Variants in RB1CC1 observed in about 807,000 individuals in gnomAD.
RB1CC1 encodes the protein RB1 inducible coiled-coil 1, also known as RB1-inducible coiled-coil protein 1.
RB1CC1 carries 46 observed loss-of-function variants against 177.5 expected under a neutral mutation model. The observed-to-expected ratio is 0.26, with a 90% CI of 0.20 to 0.33. The LOEUF (loss-of-function observed/expected upper bound fraction) is 0.33. Ranked by LOEUF, RB1CC1 falls within the 10% of genes least tolerant of loss-of-function variation. The pLI is 1.00. For synonymous variants in RB1CC1, 666 were observed against 613.6 expected, an observed-to-expected ratio of 1.09 and a Z score of -1.26; for missense variants, 1,703 against 1,816.3, an observed-to-expected ratio of 0.94 and a Z score of 1.13.
intron 1 of RB1CC1, among the ~76,000 whole-genome samples, chr8:52,699,826 AAAAAATATATATAT>A (rs1226185956): frequency 3.2e-4 from 26 of 80,886 alleles, no homozygotes; most frequent in Non-Finnish European, 1.5e-4. Flanking sequence ...AAAAAAAAAA[AAAAAATATATATAT>A]ATATATATAT....
chr8:52,625,878 C>T (rs1309870403), intron 22 of RB1CC1, among the ~76,000 whole-genome samples: 1 of 152,130 alleles, frequency 6.6e-6, no homozygotes, highest in Admixed American at 6.5e-5. Flanking sequence ...TGTGTTTAGG[C>T]TAAAGCCTTT....
chr8:52,668,287 T>C, intron 7 of RB1CC1, 96 bp from the exon 8 acceptor site: 1 of 1,385,786 alleles, frequency 7.2e-7, no homozygotes, highest in Non-Finnish European at 9.7e-7. Flanking sequence ...AGAAAATAAG[T>C]GATAAAAGAT....
intron 1 of RB1CC1, among the ~76,000 whole-genome samples, chr8:52,696,598 G>A (rs947386690): frequency 2.6e-5 from 4 of 152,118 alleles, no homozygotes; most frequent in Admixed American, 2.6e-4. Context: ...AATCCATGCT[G>A]CATAATGATA....
At chr8:52,647,225 C>A (rs1225201948) in intron 15 of RB1CC1, among the ~76,000 whole-genome samples, 1 of 152,078 alleles carries the variant, frequency 6.6e-6, no homozygotes, top group Non-Finnish European at 1.5e-5. Context: ...ACCTTTCCTC[C>A]AAAGGGATAG....
chr8:52,661,323 G>A (rs754239523), intron 9 of RB1CC1, 42 bp from the exon 10 acceptor site: 14 of 1,595,458 alleles, frequency 8.8e-6, no homozygotes, highest in South Asian at 2.3e-5. Context: ...CACAAAACTG[G>A]TACTAACTTA....
chr8:52,700,840 G>A (rs1356116810), intron 1 of RB1CC1, among the ~76,000 whole-genome samples: 10 of 152,156 alleles, frequency 6.6e-5, no homozygotes. Context: ...GGATATTCAA[G>A]GTTTTCTTAT....
intron 5 of RB1CC1, among the ~76,000 whole-genome samples, chr8:52,680,379 A>G (rs1250629750): frequency 6.6e-6 from 1 of 152,232 alleles, no homozygotes; most frequent in Non-Finnish European, 1.5e-5. Context: ...AGCTTTAACA[A>G]CCAAGACAAG....
chr8:52,626,156 A>G (rs1236335941), intron 22 of RB1CC1, among the ~76,000 whole-genome samples: 1 of 152,172 alleles, frequency 6.6e-6, no homozygotes, highest in Non-Finnish European at 1.5e-5. Flanking sequence ...AAAGGCATAA[A>G]AACACTCTGG....
chr8:52,624,902 T>TAAAG, intron 22 of RB1CC1, 115 bp from the exon 23 acceptor site: 1 of 711,094 alleles, frequency 1.4e-6, no homozygotes. Flanking sequence ...GAAGAATATG[T>TAAAG]AAGACTTTAA....
At chr8:52,662,806 T>A (rs1439955405) in intron 8 of RB1CC1, among the ~76,000 whole-genome samples, 3 of 152,066 alleles carry the variant, frequency 2.0e-5, no homozygotes, top group Non-Finnish European at 2.9e-5. Context: ...TCCCTTTCAA[T>A]ATACTCTTTG....
At chr8:52,677,654 A>G (rs1397781518) in intron 5 of RB1CC1, among the ~76,000 whole-genome samples, 1 of 152,196 alleles carries the variant, frequency 6.6e-6, no homozygotes, top group Non-Finnish European at 1.5e-5. Context: ...GCAAACTGTA[A>G]AAAAGCTACT....
chr8:52,685,036 C>G (rs1473006856), intron 3 of RB1CC1, among the ~76,000 whole-genome samples: 4 of 144,016 alleles, frequency 2.8e-5, no homozygotes, highest in African/African-American at 7.8e-5. Context: ...AAGAGTCCTG[C>G]TCAGTCGCTG....
chr8:52,645,674 CAAATG>C (rs1563368412), intron 16 of RB1CC1, 23 bp downstream of exon 16: 6 of 1,594,082 alleles, frequency 3.8e-6, no homozygotes, highest in Non-Finnish European at 5.1e-6. Context: ...CTTTAGTTCT[CAAATG>C]AAATGGGAAA....
At chr8:52,625,279 G>A (rs975484015) in intron 22 of RB1CC1, among the ~76,000 whole-genome samples, 2 of 152,118 alleles carry the variant, frequency 1.3e-5, no homozygotes, top group African/African-American at 4.8e-5. Flanking sequence ...CACAGTGCTT[G>A]GCACAGCAGT....
At chr8:52,674,412 T>C (rs1472265009) in intron 6 of RB1CC1, 138 bp from the exon 7 acceptor site, 35 of 738,930 alleles carry the variant, frequency 4.7e-5, no homozygotes, top group South Asian at 7.3e-5. Flanking sequence ...TAAACTAGTC[T>C]ATGAGCTAGC....
intron 8 of RB1CC1, among the ~76,000 whole-genome samples, chr8:52,665,014 T>C (rs756411837): frequency 6.6e-6 from 1 of 152,010 alleles, no homozygotes; most frequent in African/African-American, 2.4e-5. Context: ...AAAAATCGAG[T>C]GTCTAAGGTA....
intron 15 of RB1CC1, among the ~76,000 whole-genome samples, chr8:52,646,539 T>A (rs141068531): frequency 4.6e-5 from 7 of 152,246 alleles, no homozygotes; most frequent in Admixed American, 1.3e-4. Flanking sequence ...CACCTAAAGA[T>A]TGCATATGTT....
In RB1CC1 at chr8:52,680,064, A is replaced by T. The variant is rs569653571; in HGVS notation, c.369+3485T>A. Among the ~76,000 whole-genome samples the T allele has an allele frequency of 1.2e-4, 18 of 152,278 alleles. No individual in the cohort carries two copies. In the South Asian group the frequency reaches 3.7e-3, roughly 32 times the overall value. ...TATACCCTTTCCTACACTGTCTTAT[A>T]GAGGAATAATTCTATTCATTCAAAC... On this transcript the variant is annotated intron_variant, in intron 5 of 23. Transcript: ENST00000025008.
Position 52,623,596 on chromosome 8 carries a change from G to T in RB1CC1, c.*186C>A. The T allele has an allele frequency of 1.6e-6, 1 of 626,120 alleles. No homozygotes were observed. The highest frequency in any genetic ancestry group is 2.3e-5 in the Admixed American group (1 of 43,184). 38.8% of individuals were successfully genotyped at this position (626,120 alleles called of 1,614,324 possible). ...ACAAAAACCATTTTAATTCAGCCAA[G>T]GATTCTGATGAATTTATTATTCCTA... On this transcript the variant is annotated 3_prime_UTR_variant, in exon 24 of 24. Coordinates refer to ENST00000025008, the MANE Select transcript of RB1CC1 (RefSeq NM_014781.5).
Sources: gnomAD v4.1 joint callset for allele counts (sites outside exome capture counted in the v4.1 genomes callset) on GRCh38, gnomAD v4.1.1 for gene constraint, MANE v1.5 for transcripts, NCBI Gene and HGNC (gene_info 2026-07-23, HGNC 2026-07-21) for gene names.